Variants in SPATA6 observed in about 807,000 individuals in gnomAD.
The protein encoded by SPATA6 is spermatogenesis-associated protein 6.
SPATA6 carries 56 observed loss-of-function variants against 65.3 expected under a neutral mutation model. The observed-to-expected ratio is 0.86, with a 90% confidence interval of 0.69 to 1.07. SPATA6 has a LOEUF of 1.07. Ranked by LOEUF, SPATA6 falls within the 50% of genes least tolerant of loss-of-function variation. SPATA6 has a pLI of 0.00. For missense variants in SPATA6, 590 were observed against 594.8 expected, an observed-to-expected ratio of 0.99 and a Z score of 0.08; for synonymous variants, 199 against 213.2, an observed-to-expected ratio of 0.93 and a Z score of 0.58.
At chr1:48,274,003 T>C in the SPATA6 span, among the ~76,000 whole-genome samples, 3 of 152,216 alleles carry the variant, frequency 2.0e-5, no homozygotes, top group African/African-American at 4.8e-5. Flanking sequence ...CTCCAGCATC[T>C]GTTGTTTCCT....
At chr1:48,274,907 C>T in the SPATA6 span, among the ~76,000 whole-genome samples, 148,283 of 152,306 alleles carry the variant, frequency 0.97, 72,179 homozygotes, top group East Asian at 1. Flanking sequence ...GGGATAGCAT[C>T]GAATCTATAA....
At chr1:48,265,918 C>G in the SPATA6 span, among the ~76,000 whole-genome samples, 1 of 152,216 alleles carries the variant, frequency 6.6e-6, no homozygotes, top group Non-Finnish European at 1.5e-5. Flanking sequence ...TATTCTAGTT[C>G]TGAATCCTAC....
At chr1:48,450,839 A>T (rs1348465156) in intron 3 of SPATA6, among the ~76,000 whole-genome samples, 1 of 152,206 alleles carries the variant, frequency 6.6e-6, no homozygotes, top group Non-Finnish European at 1.5e-5. Flanking sequence ...AATGGAAAGG[A>T]AAGTTAATAA....
At position 48,472,040 on chromosome 1, in the gene SPATA6, C is replaced by T. The variant is rs1289726506; in HGVS notation, c.-32G>A. ...GGGGAGGGGCGGCGGGGAGTGACCC[C>T]GGCCACGGGCCCGAGTGAGGCGGGG... On this transcript the variant is annotated 5_prime_UTR_variant, in exon 1 of 13. Coordinates refer to ENST00000371847, the MANE Select transcript of SPATA6 (RefSeq NM_019073.4). The T allele has an allele frequency of 7.1e-7, 1 of 1,418,048 alleles. No homozygotes were observed. Among genetic ancestry groups the T allele is most frequent in the South Asian group, 1.4e-5 (1 of 73,434 alleles). 87.8% of individuals were successfully genotyped at this position (1,418,048 alleles called of 1,614,324 possible). A position where few individuals can be genotyped will look rare whatever the true frequency, so the allele number is the denominator to read the frequency against.
chr1:48,265,303 A>G, the SPATA6 span, among the ~76,000 whole-genome samples: 3 of 151,488 alleles, frequency 2.0e-5, no homozygotes, highest in Non-Finnish European at 4.4e-5. Context: ...TACTGATAAT[A>G]TCTGTATTAT....
At chr1:48,267,958 A>G in the SPATA6 span, among the ~76,000 whole-genome samples, 1 of 151,598 alleles carries the variant, frequency 6.6e-6, no homozygotes, top group African/African-American at 2.4e-5. Context: ...TCACCGTGTT[A>G]GCCAGGATGG....
chr1:48,366,203 T>G (rs1204625148), intron 9 of SPATA6, among the ~76,000 whole-genome samples: 1 of 152,176 alleles, frequency 6.6e-6, no homozygotes. Context: ...TGCCAGTATT[T>G]TATTGAGGAT....
At chr1:48,366,419 T>C (rs1440451098) in intron 9 of SPATA6, among the ~76,000 whole-genome samples, 1 of 152,182 alleles carries the variant, frequency 6.6e-6, no homozygotes, top group East Asian at 1.9e-4. Flanking sequence ...TGTGAATCCA[T>C]CTGGTCATGG....
intron 5 of SPATA6, 76 bp downstream of exon 5, chr1:48,411,388 G>T: frequency 7.0e-7 from 1 of 1,431,474 alleles, no homozygotes; most frequent in South Asian, 1.7e-5. Flanking sequence ...TCACATTTAA[G>T]ATGGCGAGCA....
chr1:48,329,637 T>C (rs1315165063), intron 11 of SPATA6, among the ~76,000 whole-genome samples: 2 of 152,046 alleles, frequency 1.3e-5, no homozygotes, highest in African/African-American at 2.4e-5. Flanking sequence ...GTCACTGTCA[T>C]GGAAAGGAAA....
At chr1:48,443,354 C>A (rs1202450791) in intron 3 of SPATA6, among the ~76,000 whole-genome samples, 2 of 152,202 alleles carry the variant, frequency 1.3e-5, no homozygotes, top group Non-Finnish European at 2.9e-5. Context: ...CCACAAAGCT[C>A]AAGTCTGTCA....
chr1:48,278,393 G>T, the SPATA6 span, among the ~76,000 whole-genome samples: 1 of 152,296 alleles, frequency 6.6e-6, no homozygotes, highest in African/African-American at 2.4e-5. Context: ...CGAGCTACAG[G>T]AGGAAATTCA....
In SPATA6 at chr1:48,298,598, T is replaced by C. The variant is rs1007720261; in HGVS notation, c.*115A>G. Reference sequence around the variant, plus strand: ...TAATGAACTTATTCAAGTATAACTATTGTACTTAGTTATAATCCCATTTTT... The same window carrying C: ...TAATGAACTTATTCAAGTATAACTACTGTACTTAGTTATAATCCCATTTTT... On this transcript the variant is annotated 3_prime_UTR_variant, in exon 13 of 13. Transcript: ENST00000371847. 3 of 923,792 alleles carry C rather than the reference T, an allele frequency of 3.2e-6. No individual in the cohort carries two copies. Among genetic ancestry groups the C allele is most frequent in the Non-Finnish European group, 3.2e-6 (2 of 618,282 alleles). The allele number at this position is 923,792 out of a possible 1,614,324, so 57.2% of individuals were successfully genotyped here. A position where few individuals can be genotyped will look rare whatever the true frequency, so the allele number is the denominator to read the frequency against.
chr1:48,470,698 G>A (rs1319738242), intron 1 of SPATA6, among the ~76,000 whole-genome samples: 4 of 151,968 alleles, frequency 2.6e-5, no homozygotes, highest in African/African-American at 9.7e-5. Context: ...TCATTCTAAC[G>A]TGACGAAGGC....
intron 3 of SPATA6, among the ~76,000 whole-genome samples, chr1:48,435,607 A>G (rs755122074): frequency 1.2e-4 from 18 of 151,994 alleles, no homozygotes; most frequent in Non-Finnish European, 2.1e-4. Context: ...TTGTGAATGC[A>G]TCAAGCAGCA....
downstream of SPATA6, among the ~76,000 whole-genome samples, chr1:48,294,138 ACAGTCTTGGCTCACTGCAGCCTCCACCTC>A: frequency 6.6e-6 from 1 of 152,132 alleles, no homozygotes; most frequent in East Asian, 1.9e-4. Context: ...GTGCAGTGGC[ACAGTCTTGGCTCACTGCAGCCTCCACCTC>A]CCAAATTCAA....
intron 1 of SPATA6, among the ~76,000 whole-genome samples, chr1:48,469,096 T>C (rs755146847): frequency 6.6e-6 from 1 of 152,130 alleles, no homozygotes; most frequent in Non-Finnish European, 1.5e-5. Context: ...GTCCCCTGAG[T>C]AGCTGGAACT....
At chr1:48,289,010 C>A in the SPATA6 span, among the ~76,000 whole-genome samples, 2 of 152,220 alleles carry the variant, frequency 1.3e-5, no homozygotes, top group Non-Finnish European at 2.9e-5. Flanking sequence ...GTTCTCCCAG[C>A]ACAGAGTTTG....
chr1:48,427,617 A>C (rs1246596516), intron 3 of SPATA6, among the ~76,000 whole-genome samples: 3 of 152,180 alleles, frequency 2.0e-5, no homozygotes, highest in African/African-American at 7.2e-5. Flanking sequence ...GTAAAAACCA[A>C]ATTTTAAAAG....
Sources: allele counts gnomAD v4.1 joint callset (sites outside exome capture counted in the v4.1 genomes callset), GRCh38; gene constraint gnomAD v4.1.1; transcripts MANE v1.5; gene names NCBI Gene and HGNC (gene_info 2026-07-23, HGNC 2026-07-21).